The following ZNF536 variants were observed in gnomAD, a reference collection of about 807,000 sequenced individuals.
ZNF536 encodes the protein zinc finger protein 536.
A neutral mutation model predicts 84.5 loss-of-function variants in ZNF536; 13 were observed. The ratio of observed to expected loss-of-function variants is 0.15; its 90% CI spans 0.10 to 0.24. The LOEUF is 0.24. ZNF536 is among the 10% of genes least tolerant of loss of function. ZNF536 has a pLI of 1.00. For synonymous variants in ZNF536, 811 were observed against 742.5 expected (o/e 1.09, Z -1.50); for missense variants, 1,536 against 1,747.5 (o/e 0.88, Z 2.16).
At chr19:30,595,058 G>T (rs1035724488) in intron 1 of ZNF536, among the ~76,000 whole-genome samples, 1 of 152,114 alleles carries the variant, frequency 6.6e-6, no homozygotes, top group African/African-American at 2.4e-5. Context: ...ACCGCACAGA[G>T]GTAGGTCTCA....
intron 2 of ZNF536, among the ~76,000 whole-genome samples, chr19:30,286,348 C>T (rs2045626018): frequency 6.6e-6 from 1 of 152,126 alleles, no homozygotes. Flanking sequence ...TCCTCACAGC[C>T]CCAGAGACCT....
chr19:30,233,634 C>G (rs1287954215), intron 1 of ZNF536, among the ~76,000 whole-genome samples: 4 of 152,240 alleles, frequency 2.6e-5, no homozygotes, highest in Middle Eastern at 3.4e-3. Flanking sequence ...AGGCATGAGG[C>G]AGTGCACCTG....
At chr19:30,593,552 C>G (rs1568583969) in intron 1 of ZNF536, among the ~76,000 whole-genome samples, 1 of 152,190 alleles carries the variant, frequency 6.6e-6, no homozygotes, top group African/African-American at 2.4e-5. Flanking sequence ...GCCCAGCACA[C>G]CCGGCTGTGA....
intron 1 of ZNF536, among the ~76,000 whole-genome samples, chr19:30,263,532 C>T (rs942507637): frequency 6.6e-6 from 1 of 152,060 alleles, no homozygotes; most frequent in Non-Finnish European, 1.5e-5. Context: ...GTGAAGGTGA[C>T]GATATAAAGG....
intron 2 of ZNF536, among the ~76,000 whole-genome samples, chr19:30,348,848 A>G (rs994999328): frequency 6.7e-6 from 1 of 148,364 alleles, no homozygotes. Context: ...GATCCCTGAG[A>G]GGCCAGCAGA....
intron 1 of ZNF536, among the ~76,000 whole-genome samples, chr19:30,240,770 T>C (rs1473898326): frequency 1.3e-5 from 2 of 152,122 alleles, no homozygotes; most frequent in African/African-American, 4.8e-5. Context: ...TCCTTAAATA[T>C]TAGTTGAATA....
chr19:30,526,719 G>T (rs1288794634), intron 2 of ZNF536, among the ~76,000 whole-genome samples: 5 of 78,832 alleles, frequency 6.3e-5, no homozygotes, highest in African/African-American at 2.6e-4. Context: ...GCGAGACTCC[G>T]TCTCAAAAAA....
rs1427702863 is a variant in ZNF536, at chr19:30,439,955, CTTTCTTTT to C, written c.-2-3602_-2-3595del. On this transcript the variant is annotated intron_variant, in intron 1 of 4. Coordinates refer to ENST00000355537, the MANE Select transcript of ZNF536 (RefSeq NM_014717.3). The stretch of plus-strand genomic sequence containing the variant: ...TTCTTTCTTTCTTTTCTTTTTCTTT[CTTTCTTTT>C]TTTTTTTTTTTTTTTTTGACAGAGT... 3.2e-4 allele frequency among the ~76,000 whole-genome samples: 43 copies of C among 133,048 alleles called. No homozygotes were observed. The South Asian group carries it at 4.2e-3, about 13-fold the overall frequency. The allele number at this position is 133,048 out of a possible 152,430, so 87.3% of individuals were successfully genotyped here. A position where few individuals can be genotyped will look rare whatever the true frequency, so the allele number is the denominator to read the frequency against.
intron 1 of ZNF536, among the ~76,000 whole-genome samples, chr19:30,410,367 A>G (rs2147677280): frequency 6.6e-6 from 1 of 152,048 alleles, no homozygotes; most frequent in South Asian, 2.1e-4. Context: ...TATATAAGAT[A>G]TATAGGAAAA....
chr19:30,466,766 AAGGAAG>A (rs2053428096), intron 2 of ZNF536, among the ~76,000 whole-genome samples: 1 of 96,594 alleles, frequency 1.0e-5, no homozygotes, highest in African/African-American at 4.9e-5. Context: ...GGAAGGAAGG[AAGGAAG>A]GAAGGAAGGA....
chr19:30,309,790 C>T (rs187692848), intron 2 of ZNF536, among the ~76,000 whole-genome samples: 219 of 152,310 alleles, frequency 1.4e-3, no homozygotes, highest in African/African-American at 4.8e-3. Flanking sequence ...TTTCCATTCA[C>T]GTCTCCCTCC....
intron 2 of ZNF536, among the ~76,000 whole-genome samples, chr19:30,315,568 G>T (rs925929895): frequency 1.7e-4 from 26 of 152,334 alleles, no homozygotes; most frequent in Admixed American, 7.2e-4. Context: ...AGGAGGAGGG[G>T]CAGCCTGAAG....
intron 2 of ZNF536, among the ~76,000 whole-genome samples, chr19:30,453,314 C>G (rs867224962): frequency 6.6e-6 from 1 of 152,102 alleles, no homozygotes; most frequent in Non-Finnish European, 1.5e-5. Flanking sequence ...AGGTCTACCT[C>G]GGGGTGCATG....
At chr19:30,261,697 CAAAAAAAAAAA>C (rs56820609) in intron 1 of ZNF536, among the ~76,000 whole-genome samples, 1 of 99,922 alleles carries the variant, frequency 1.0e-5, no homozygotes, top group East Asian at 3.0e-4. Flanking sequence ...GGACCTTGTC[CAAAAAAAAAAA>C]AAAAAAAAAG....
chr19:30,580,879 G>A (rs2046897486), intron 1 of ZNF536, among the ~76,000 whole-genome samples: 1 of 152,202 alleles, frequency 6.6e-6, no homozygotes, highest in Non-Finnish European at 1.5e-5. Flanking sequence ...GGGGGCAGCA[G>A]AGACTGTGTC....
intron 1 of ZNF536, among the ~76,000 whole-genome samples, chr19:30,398,029 A>G (rs1450229097): frequency 6.6e-6 from 1 of 152,234 alleles, no homozygotes; most frequent in Non-Finnish European, 1.5e-5. Flanking sequence ...TTATAGATTG[A>G]TAAGAAGTTG....
chr19:30,639,024 G>A (rs1280072091), intron 1 of ZNF536, among the ~76,000 whole-genome samples: 1 of 152,132 alleles, frequency 6.6e-6, no homozygotes, highest in Admixed American at 6.5e-5. Context: ...TTATTCTAAA[G>A]TCTGTAACTC....
At chr19:30,411,053 A>G (rs772996635) in intron 1 of ZNF536, among the ~76,000 whole-genome samples, 2 of 152,218 alleles carry the variant, frequency 1.3e-5, no homozygotes, top group Non-Finnish European at 2.9e-5. Context: ...GTATTTTCCA[A>G]TGGGTCAATG....
intron 2 of ZNF536, among the ~76,000 whole-genome samples, chr19:30,328,616 A>G (rs1282444265): frequency 6.6e-6 from 1 of 152,246 alleles, no homozygotes; most frequent in Admixed American, 6.5e-5. Flanking sequence ...TAATGCAAAT[A>G]GTTATTTGTA....
Sources: allele counts gnomAD v4.1 joint callset (sites outside exome capture counted in the v4.1 genomes callset), GRCh38; gene constraint gnomAD v4.1.1; transcripts MANE v1.5; gene names NCBI Gene and HGNC (gene_info 2026-07-23, HGNC 2026-07-21).